TYW1B: variants seen among roughly 807,000 people sequenced by gnomAD.
The protein encoded by TYW1B is S-adenosyl-L-methionine-dependent tRNA 4-demethylwyosine synthase TYW1B.
TYW1B carries 73 observed loss-of-function variants against 86.9 expected under a neutral mutation model. The ratio of observed to expected loss-of-function variants is 0.84; its 90% confidence interval spans 0.70 to 1.02. The LOEUF is 1.02. Among genes scored for constraint, TYW1B ranks in the 50% least tolerant of loss-of-function variants. TYW1B has a pLI of 0.00. For missense variants in TYW1B, 637 were observed against 827.4 expected, an observed-to-expected ratio of 0.77 and a Z score of 2.82; for synonymous variants, 248 against 292.8, an observed-to-expected ratio of 0.85 and a Z score of 1.56.
intron 6 of TYW1B, among the ~76,000 whole-genome samples, chr7:72,792,878 C>CA (rs1788244034): frequency 6.6e-6 from 1 of 151,770 alleles, no homozygotes; most frequent in Admixed American, 6.6e-5. Context: ...TTTGTGTAGC[C>CA]AAAAAACAAA....
intron 6 of TYW1B, among the ~76,000 whole-genome samples, chr7:72,783,277 G>A (rs1317034004): frequency 6.6e-6 from 1 of 151,168 alleles, no homozygotes; most frequent in Non-Finnish European, 1.5e-5. Context: ...ATGCGCTTGT[G>A]GTCCCAGCTA....
At chr7:72,707,436 T>A (rs1168846807) in intron 10 of TYW1B, among the ~76,000 whole-genome samples, 2 of 152,222 alleles carry the variant, frequency 1.3e-5, no homozygotes, top group East Asian at 3.8e-4. Context: ...TGATTGTTAG[T>A]TAGTTTGAGA....
rs1392809009 is a variant in TYW1B at position 72,658,265 on chromosome 7, AAAAG to A, written c.1507-29272_1507-29269del. On this transcript the variant is annotated intron_variant, in intron 11 of 13. Transcript: ENST00000620995. Reference sequence around the variant, plus strand: ...GACTCCGTCTCAATAAAAAAAAAAAAAAAGAAAGTCATTAAAATGAATGACATAT... The same window carrying A: ...GACTCCGTCTCAATAAAAAAAAAAAAAAAGTCATTAAAATGAATGACATAT... Among the ~76,000 whole-genome samples the A allele has an allele frequency of 4.6e-5, 7 of 152,288 alleles. No homozygotes were observed. The East Asian group carries it at 9.6e-4, about 21-fold the overall frequency.
At chr7:72,633,673 A>G (rs1812598585) in intron 11 of TYW1B, among the ~76,000 whole-genome samples, 1 of 151,832 alleles carries the variant, frequency 6.6e-6, no homozygotes, top group Non-Finnish European at 1.5e-5. Flanking sequence ...GGAATCATAC[A>G]TTATTTTGTG....
intron 11 of TYW1B, among the ~76,000 whole-genome samples, chr7:72,667,808 G>A (rs1554445601): frequency 1.3e-5 from 2 of 152,210 alleles, no homozygotes; most frequent in Non-Finnish European, 2.9e-5. Context: ...AGAGATGTCT[G>A]TTCCTATACT....
chr7:72,807,358 T>C lies in TYW1B; in HGVS notation c.433-2A>G, dbSNP rs576322439. On this transcript the variant is annotated splice_acceptor_variant, in intron 4 of 13. Coordinates refer to ENST00000620995, the MANE Select transcript of TYW1B (RefSeq NM_001145440.3). LOFTEE classifies it high-confidence loss of function. ...CCACTTGTCAACATTTTTGCCAACC[T>C]GCGAGGAAAAGATAGATAGGCTAAA... The C allele has an allele frequency of 8.7e-6, 14 of 1,610,446 alleles. No homozygotes were observed. The highest frequency in any genetic ancestry group is 8.4e-5 in the Admixed American group (5 of 59,872).
At chr7:72,758,214 T>C (rs1787625413) in intron 7 of TYW1B, among the ~76,000 whole-genome samples, 1 of 151,884 alleles carries the variant, frequency 6.6e-6, no homozygotes, top group Non-Finnish European at 1.5e-5. Flanking sequence ...AGGAAGACTC[T>C]CTAACAACAA....
chr7:72,810,508 C>A lies in TYW1B; in HGVS notation c.395G>T (p.Gly132Val), dbSNP rs533168112. 7.4e-5 allele frequency: 119 copies of A among 1,613,766 alleles called. No individual in the cohort carries two copies. The highest frequency in any genetic ancestry group is 9.2e-5 in the Non-Finnish European group (108 of 1,179,816). Residue 132 changes from glycine (G) to valine (V), a missense_variant, in exon 4 of 14, where the codon GGC becomes GTC. Physicochemically the swap from Gly to Val is moderately radical, Grantham distance 109. Coordinates refer to ENST00000620995, the MANE Select transcript of TYW1B (RefSeq NM_001145440.3). ...GCTAGCATAGGCAGAATTTCCCAGG[C>A]CAAATACCGCATCTCTCATACCCTT... ...YLKGMRDAVF[G>V]LGNSAYASHF...
At chr7:72,757,302 A>G (rs531768233) in intron 7 of TYW1B, among the ~76,000 whole-genome samples, 47 of 146,678 alleles carry the variant, frequency 3.2e-4, no homozygotes, top group African/African-American at 1.1e-3. Flanking sequence ...TGGGAGGCGG[A>G]GGTTGCAGTG....
At chr7:72,746,866 A>T (rs4236197) in intron 7 of TYW1B, among the ~76,000 whole-genome samples, 104,980 of 152,084 alleles carry the variant, frequency 0.69, 37,211 homozygotes, top group Non-Finnish European at 0.77. Context: ...GACACAGGCA[A>T]AGAAGCATGT....
chr7:72,694,846 G>A (rs782248926), intron 10 of TYW1B, 24 bp from the exon 11 acceptor site: 58 of 1,580,280 alleles, frequency 3.7e-5, no homozygotes, highest in Admixed American at 8.1e-5. Flanking sequence ...TTTTTTAAAG[G>A]AAGAAAGAAA....
At chr7:72,622,105 T>C (rs1812231655) in intron 12 of TYW1B, among the ~76,000 whole-genome samples, 2 of 151,198 alleles carry the variant, frequency 1.3e-5, no homozygotes. Flanking sequence ...AAATGGATTG[T>C]GTTACAAAAG....
At chr7:72,622,905 G>A (rs1393242555) in intron 12 of TYW1B, among the ~76,000 whole-genome samples, 2 of 152,096 alleles carry the variant, frequency 1.3e-5, no homozygotes, top group Non-Finnish European at 2.9e-5. Context: ...TGGCCATGAC[G>A]CCACTCCCGC....
intron 11 of TYW1B, among the ~76,000 whole-genome samples, chr7:72,690,434 T>TC: frequency 6.6e-6 from 1 of 152,352 alleles, no homozygotes; most frequent in East Asian, 1.9e-4. Flanking sequence ...TCTCTCCTCA[T>TC]ATTGAAAAGG....
rs201273913 is a variant in TYW1B, at chr7:72,706,857, C to CA, written c.1370+6763dup. Among the ~76,000 whole-genome samples, 663 of 151,768 alleles carry CA rather than the reference C, an allele frequency of 4.4e-3. 2 individuals are homozygous for CA. Among genetic ancestry groups the CA allele is most frequent in the South Asian group, 0.011 (51 of 4,804 alleles). ...CCTCTTGGTTTTTCAATGTTGGCTC[C>CA]AAAAAAAAGTGATAAACAGGCTGTA... is the stretch of plus-strand genomic sequence containing the variant. On this transcript the variant is annotated intron_variant, in intron 10 of 13. Coordinates refer to ENST00000620995, the MANE Select transcript of TYW1B (RefSeq NM_001145440.3).
chr7:72,804,684 A>T (rs1366978553), intron 5 of TYW1B, among the ~76,000 whole-genome samples: 4 of 152,110 alleles, frequency 2.6e-5, no homozygotes, highest in East Asian at 1.9e-4. Flanking sequence ...CAAAAAATTT[A>T]AAAAACTTAG....
intron 6 of TYW1B, among the ~76,000 whole-genome samples, chr7:72,785,280 T>C (rs1554472232): frequency 6.7e-6 from 1 of 148,608 alleles, no homozygotes; most frequent in Non-Finnish European, 1.5e-5. Flanking sequence ...TTATTAATTA[T>C]TATAGTTAAT....
chr7:72,827,009 G>C (rs1338844531), intron 1 of TYW1B, 24 bp from the exon 2 acceptor site: 5 of 1,586,216 alleles, frequency 3.2e-6, no homozygotes, highest in Non-Finnish European at 4.3e-6. Flanking sequence ...GACACACACA[G>C]ATAATTTCAT....
chr7:72,601,901 G>C (rs551312303), intron 13 of TYW1B, among the ~76,000 whole-genome samples: 2 of 152,270 alleles, frequency 1.3e-5, no homozygotes, highest in South Asian at 4.1e-4. Flanking sequence ...AAGTTTGGCA[G>C]GAGGGACGAA....
Sources: allele counts gnomAD v4.1 joint callset (sites outside exome capture counted in the v4.1 genomes callset), GRCh38; gene constraint gnomAD v4.1.1; transcripts MANE v1.5; gene names NCBI Gene and HGNC (gene_info 2026-07-23, HGNC 2026-07-21).